MINAR1: variants seen among roughly 807,000 people sequenced by gnomAD.
MINAR1 encodes the protein major intrinsically disordered Notch2-binding receptor 1.
In MINAR1, 40 loss-of-function variants were observed where a neutral mutation model predicts 65.1. The ratio of observed to expected loss-of-function variants is 0.61; its 90% confidence interval spans 0.48 to 0.80. The LOEUF (loss-of-function observed/expected upper bound fraction) is 0.80, where lower values mean the gene tolerates loss of function less well. MINAR1 is among the 30% of genes least tolerant of loss of function. The pLI, the probability that MINAR1 is intolerant of heterozygous loss-of-function variation, is 0.00. For synonymous variants in MINAR1, 482 were observed against 449.1 expected, an observed-to-expected ratio of 1.07 and a Z score of -0.93; for missense variants, 1,128 against 1,148.0, an observed-to-expected ratio of 0.98 and a Z score of 0.25.
chr15:79,449,572 G>A (rs1895126757), intron 1 of MINAR1, among the ~76,000 whole-genome samples: 1 of 152,196 alleles, frequency 6.6e-6, no homozygotes, highest in Non-Finnish European at 1.5e-5. Flanking sequence ...ATAAGGGCAT[G>A]AAACCCATTC....
chr15:79,448,502 T>G (rs1222842576), intron 1 of MINAR1, among the ~76,000 whole-genome samples: 1 of 152,196 alleles, frequency 6.6e-6, no homozygotes, highest in African/African-American at 2.4e-5. Flanking sequence ...ACCACCATCC[T>G]AAAACCAGAA....
rs1411631316 is a variant in MINAR1, at chr15:79,456,434, T to C, written c.287T>C (p.Met96Thr). Reference sequence around the variant, plus strand: ...GTGACGATATTCAACCTGATCCAAATGAATGGCGGGGCTGCCAAGGAGAAG... The same window carrying C: ...GTGACGATATTCAACCTGATCCAAACGAATGGCGGGGCTGCCAAGGAGAAG... The part of the protein sequence containing the change: ...DIVTIFNLIQ[M>T]NGGAAKEKLP... The change falls in exon 2 of 4, where the codon ATG becomes ACG. Residue 96 changes from methionine to threonine, a missense_variant. Met to Thr is a moderately conservative substitution (Grantham distance 81). Transcript: ENST00000305428. 6.2e-7 allele frequency: 1 copy of C among 1,614,000 alleles called. No individual in the cohort carries two copies. Among genetic ancestry groups the C allele is most frequent in the African/African-American group, 1.3e-5 (1 of 74,900 alleles).
intron 2 of MINAR1, among the ~76,000 whole-genome samples, chr15:79,462,609 CCCGT>C (rs1895687761): frequency 6.6e-6 from 1 of 152,140 alleles, no homozygotes; most frequent in Non-Finnish European, 1.5e-5. Context: ...GAGGAAAGGA[CCCGT>C]ATCTTTTACT....
At chr15:79,463,603 C>T in intron 3 of MINAR1, 1 of 627,926 alleles carries the variant, frequency 1.6e-6, no homozygotes, top group Non-Finnish European at 3.0e-6. Context: ...GCATTTACGA[C>T]TCTGTACCAA....
chr15:79,466,881 A>G (rs1012776683), intron 3 of MINAR1, among the ~76,000 whole-genome samples: 5 of 152,252 alleles, frequency 3.3e-5, no homozygotes, highest in African/African-American at 7.2e-5. Flanking sequence ...TGAGACCCAC[A>G]GCTCTGAGAG....
chr15:79,440,591 T>C (rs1894842317), intron 1 of MINAR1, among the ~76,000 whole-genome samples: 1 of 152,124 alleles, frequency 6.6e-6, no homozygotes, highest in African/African-American at 2.4e-5. Context: ...GCATGTTTGG[T>C]TGGTCATAAA....
chr15:79,463,881 G>A (rs1895743081), intron 3 of MINAR1: 1 of 401,138 alleles, frequency 2.5e-6, no homozygotes, highest in South Asian at 1.9e-5. Context: ...GCTCTGCCTG[G>A]TTCCATTCAC....
intron 3 of MINAR1, among the ~76,000 whole-genome samples, chr15:79,465,772 G>T (rs1297956812): frequency 6.6e-6 from 1 of 151,990 alleles, no homozygotes; most frequent in Non-Finnish European, 1.5e-5. Context: ...AGGGCTGCTG[G>T]TCTGACCCCC....
intron 1 of MINAR1, among the ~76,000 whole-genome samples, chr15:79,452,276 CTGTG>C (rs754961424): frequency 2.0e-5 from 3 of 151,216 alleles, no homozygotes; most frequent in South Asian, 2.1e-4. Flanking sequence ...GTGTTTAGGT[CTGTG>C]TGAGTGTGAA....
intron 1 of MINAR1, among the ~76,000 whole-genome samples, chr15:79,449,911 C>T (rs1208615983): frequency 6.6e-6 from 1 of 152,166 alleles, no homozygotes; most frequent in Non-Finnish European, 1.5e-5. Flanking sequence ...TTTCTCCAGA[C>T]CATCAAACAC....
chr15:79,433,310 C>G (rs187942735), intron 1 of MINAR1, among the ~76,000 whole-genome samples: 9 of 152,340 alleles, frequency 5.9e-5, no homozygotes, highest in Non-Finnish European at 1.2e-4. Context: ...CGCACTCCAG[C>G]ATTGTTTTGC....
chr15:79,466,455 A>G (rs1462188414), intron 3 of MINAR1, among the ~76,000 whole-genome samples: 3 of 152,252 alleles, frequency 2.0e-5, no homozygotes, highest in Non-Finnish European at 4.4e-5. Flanking sequence ...CTGTGTTCCC[A>G]TAAATCTTTA....
intron 2 of MINAR1, among the ~76,000 whole-genome samples, chr15:79,461,112 AC>A (rs1276934116): frequency 6.6e-6 from 1 of 152,230 alleles, no homozygotes; most frequent in Admixed American, 6.5e-5. Context: ...GTGGATGGAA[AC>A]TTTTATTGAA....
Position 79,463,103 on chromosome 15 carries a change from C to G in MINAR1, c.2335C>G (p.Leu779Val), listed in dbSNP as rs754648469. 1.9e-5 allele frequency: 30 copies of G among 1,614,038 alleles called. No individual in the cohort carries two copies. The South Asian group carries it at 3.1e-4, about 17-fold the overall frequency. Residue 779 changes from leucine (L) to valine (V), a missense_variant, in exon 3 of 4, where the codon CTG becomes GTG. Physicochemically the swap from Leu to Val is conservative, Grantham distance 32. Coordinates refer to ENST00000305428, the MANE Select transcript of MINAR1 (RefSeq NM_015206.3). ...RQYDIPPQHRLPKQPKDGFLV... is the reference protein window; with the variant it reads ...RQYDIPPQHRVPKQPKDGFLV... ...GTACGACATTCCCCCACAGCACCGACTGCCCAAGCAGCCCAAAGATGGCTT... is the reference window on the plus strand; with the variant it reads ...GTACGACATTCCCCCACAGCACCGAGTGCCCAAGCAGCCCAAAGATGGCTT...
chr15:79,453,043 G>A (rs769957043), intron 1 of MINAR1, among the ~76,000 whole-genome samples: 1 of 140,178 alleles, frequency 7.1e-6, no homozygotes, highest in African/African-American at 2.5e-5. Flanking sequence ...ATTCCAGGCG[G>A]CTATTTCTGC....
Position 79,456,976 on chromosome 15 carries a change from C to A in MINAR1, c.829C>A (p.Pro277Thr). The A allele has an allele frequency of 3.1e-6, 5 of 1,614,080 alleles. No homozygotes were observed. The highest frequency in any genetic ancestry group is 4.2e-6 in the Non-Finnish European group (5 of 1,180,018). ...LMAVSPSLVG[P>T]ISKAENEHRE... ...GGCAGTGTCCCCCAGTTTGGTTGGC[C>A]CCATCAGCAAAGCAGAGAATGAGCA... The change falls in exon 2 of 4, where the codon CCC (proline) becomes ACC (threonine). Residue 277 changes from proline to threonine, a missense_variant. Physicochemically the swap from Pro to Thr is conservative, Grantham distance 38. Coordinates refer to ENST00000305428, the MANE Select transcript of MINAR1 (RefSeq NM_015206.3).
intron 1 of MINAR1, among the ~76,000 whole-genome samples, chr15:79,441,493 A>T (rs892227672): frequency 5.3e-5 from 8 of 152,102 alleles, no homozygotes; most frequent in African/African-American, 1.9e-4. Context: ...ATTATTGCTA[A>T]TTTTTTCTTA....
chr15:79,420,791 A>G, the MINAR1 span: 1 of 152,262 alleles, frequency 6.6e-6, no homozygotes, highest in Admixed American at 6.5e-5. Context: ...CTTTTGGGTC[A>G]TTTTGGGGTG....
At chr15:79,452,582 GTC>G (rs1248195519) in intron 1 of MINAR1, among the ~76,000 whole-genome samples, 1 of 150,646 alleles carries the variant, frequency 6.6e-6, no homozygotes, top group Non-Finnish European at 1.5e-5. Context: ...GTATGGGTGA[GTC>G]TGTGTAGGTG....
Sources: allele counts gnomAD v4.1 joint callset (sites outside exome capture counted in the v4.1 genomes callset), GRCh38; gene constraint gnomAD v4.1.1; transcripts MANE v1.5; gene names NCBI Gene and HGNC (gene_info 2026-07-23, HGNC 2026-07-21).